Variants in CUX2 observed in about 807,000 individuals in gnomAD.
The protein encoded by CUX2 is homeobox protein cut-like 2.
CUX2 carries 40 observed loss-of-function variants against 144.8 expected under a neutral mutation model. The ratio of observed to expected loss-of-function variants is 0.28; its 90% CI spans 0.21 to 0.36. CUX2 has a LOEUF of 0.36. Ranked by LOEUF, CUX2 falls within the 10% of genes least tolerant of loss-of-function variation. The pLI, the probability that CUX2 is intolerant of heterozygous loss-of-function variation, is 1.00. For missense variants in CUX2, 1,615 were observed against 1,994.0 expected (o/e 0.81, Z 3.62); for synonymous variants, 827 against 875.6 (o/e 0.94, Z 0.98).
At chr12:111,153,567 A>G (rs533487355) in intron 1 of CUX2, among the ~76,000 whole-genome samples, 34 of 152,360 alleles carry the variant, frequency 2.2e-4, no homozygotes, top group African/African-American at 7.9e-4. Context: ...TAGAAAAGGT[A>G]CAATGAAAAT....
chr12:111,278,041 A>G (rs904006330), intron 4 of CUX2, among the ~76,000 whole-genome samples: 1 of 152,142 alleles, frequency 6.6e-6, no homozygotes, highest in African/African-American at 2.4e-5. Flanking sequence ...TCCATCTTCA[A>G]AGCCAGCCGG....
chr12:111,340,207 T>A (rs1406304934), intron 20 of CUX2, among the ~76,000 whole-genome samples: 1 of 151,904 alleles, frequency 6.6e-6, no homozygotes, highest in Admixed American at 6.6e-5. Context: ...TAAAAAAAAA[T>A]GCATTTTCAG....
In CUX2 at chr12:111,343,094, G is replaced by T. The variant is rs532506779; in HGVS notation, c.3659+1041G>T. On this transcript the variant is annotated intron_variant, in intron 21 of 21. Coordinates refer to ENST00000261726, the MANE Select transcript of CUX2 (RefSeq NM_015267.4). ...AAGAAGGGACAGGGAAGGGTATTTGGGGGTACAGGCCTGAGGAACCCTGAC... is the reference window on the plus strand; with the variant it reads ...AAGAAGGGACAGGGAAGGGTATTTGTGGGTACAGGCCTGAGGAACCCTGAC... Among the ~76,000 whole-genome samples the T allele has an allele frequency of 1.1e-4, 17 of 151,908 alleles. 1 individual carries two copies. Among genetic ancestry groups the T allele is most frequent in the Non-Finnish European group, 2.5e-4 (17 of 67,998 alleles).
chr12:111,295,089 T>C lies in CUX2; in HGVS notation c.561-244T>C, dbSNP rs1885902036. On this transcript the variant is annotated intron_variant, in intron 6 of 21. Coordinates refer to ENST00000261726, the MANE Select transcript of CUX2 (RefSeq NM_015267.4). The surrounding 1 kb of genome is among the most constrained non-coding windows in gnomAD (Gnocchi z 5.0). ...GAGGACCAGAGAGGTTGCTTGCTAC[T>C]GTAAATTTTGCCCCTAAAAATCCTG... Among the ~76,000 whole-genome samples the C allele has an allele frequency of 6.6e-6, 1 of 152,198 alleles. No homozygotes were observed. The highest frequency in any genetic ancestry group is 1.5e-5 in the Non-Finnish European group (1 of 68,040).
chr12:111,253,443 ACT>A (rs1883668258), intron 3 of CUX2, among the ~76,000 whole-genome samples: 1 of 150,694 alleles, frequency 6.6e-6, no homozygotes. Context: ...TGTCTGCAAT[ACT>A]CTTTCCCAAA....
At chr12:111,052,849 A>G (rs76643428) in intron 1 of CUX2, among the ~76,000 whole-genome samples, 5,819 of 152,314 alleles carry the variant, frequency 0.038, 142 homozygotes, top group Middle Eastern at 0.065. Context: ...TGACTTCCCC[A>G]AAGCTAAGCA....
At chr12:111,158,323 T>C (rs1223429087) in intron 1 of CUX2, among the ~76,000 whole-genome samples, 1 of 151,912 alleles carries the variant, frequency 6.6e-6, no homozygotes, top group Non-Finnish European at 1.5e-5. Context: ...TTAAGAAGAA[T>C]GAGCTCAAGT....
In CUX2 at chr12:111,341,760, C is replaced by T. The variant is rs372416276; in HGVS notation, c.3386-20C>T. On this transcript the variant is annotated intron_variant, in intron 20 of 21. Transcript: ENST00000261726. ...GATGGGGACACCACCTCTCAGCCCT[C>T]CCTCTCTTCCTGGCCCCAGCCTACC... is the stretch of plus-strand genomic sequence containing the variant. 768 of 1,560,034 alleles carry T rather than the reference C, an allele frequency of 4.9e-4. 2 individuals carry two copies. Among genetic ancestry groups the T allele is most frequent in the Non-Finnish European group, 6.4e-4 (735 of 1,157,266 alleles).
chr12:111,329,552 T>C (rs964274906), intron 18 of CUX2, among the ~76,000 whole-genome samples: 12 of 152,208 alleles, frequency 7.9e-5, no homozygotes, highest in African/African-American at 2.7e-4. Context: ...GCTTCGCTTC[T>C]TGGCCCTCTA....
At chr12:111,313,888 C>CT (rs1340146460) in intron 16 of CUX2, among the ~76,000 whole-genome samples, 3 of 151,848 alleles carry the variant, frequency 2.0e-5, no homozygotes, top group African/African-American at 7.3e-5. Context: ...ACAGCGTAGA[C>CT]TGACTGAGAC....
chr12:111,247,599 CA>C (rs1310302380), intron 3 of CUX2, among the ~76,000 whole-genome samples: 3 of 152,166 alleles, frequency 2.0e-5, no homozygotes, highest in African/African-American at 7.2e-5. Context: ...CAAGCCAGGT[CA>C]GGGGGCAGCA....
At chr12:111,142,291 C>A (rs939695315) in intron 1 of CUX2, among the ~76,000 whole-genome samples, 5 of 152,048 alleles carry the variant, frequency 3.3e-5, no homozygotes, top group African/African-American at 4.8e-5. Flanking sequence ...ATTTTGGTAT[C>A]TCAGAAACCA....
rs969283435 is a variant in CUX2 at position 111,277,862 on chromosome 12, C to T, written c.302-13556C>T. 3.3e-5 allele frequency among the ~76,000 whole-genome samples: 5 copies of T among 152,184 alleles called. No individual in the cohort carries two copies. Among genetic ancestry groups the T allele is most frequent in the South Asian group, 2.1e-4 (1 of 4,828 alleles). ...AAACAACACACGTTTATGATCTCACCGTTCTGCAGAACAGAAGTCCAAGAT... is the reference window on the plus strand; with the variant it reads ...AAACAACACACGTTTATGATCTCACTGTTCTGCAGAACAGAAGTCCAAGAT... On this transcript the variant is annotated intron_variant, in intron 4 of 21. Transcript: ENST00000261726. This position sits in a 1 kb window ranked among gnomAD's most constrained non-coding sequence, Gnocchi z 5.0.
At position 111,333,281 on chromosome 12, in the gene CUX2, G is replaced by T. The variant is rs1012709932; in HGVS notation, c.2927-1160G>T. Among the ~76,000 whole-genome samples the T allele has an allele frequency of 6.6e-5, 10 of 152,254 alleles. No individual in the cohort carries two copies. The South Asian group carries it at 1.9e-3, about 28-fold the overall frequency. On this transcript the variant is annotated intron_variant, in intron 18 of 21. Coordinates refer to ENST00000261726, the MANE Select transcript of CUX2 (RefSeq NM_015267.4). ...CACCTGTGGTCCGAGCTGCTTGGGA[G>T]GCTAAGGTGGAAGGATCACTTGAGC...
chr12:111,186,436 G>C lies in CUX2; in HGVS notation c.64-27764G>C, dbSNP rs186309626. On this transcript the variant is annotated intron_variant, in intron 1 of 21. Transcript: ENST00000261726. This position sits in a 1 kb window ranked among gnomAD's most constrained non-coding sequence, Gnocchi z 4.4. ...TTGCTATGACGTTAAGCTGAGACCC[G>C]AAGCATAAACTAGGCGGGGAACAGG... 3.3e-5 allele frequency among the ~76,000 whole-genome samples: 5 copies of C among 152,318 alleles called. No individual in the cohort carries two copies. Among genetic ancestry groups the C allele is most frequent in the African/African-American group, 1.2e-4 (5 of 41,570 alleles).
At chr12:111,335,884 C>T (rs868669661) in intron 19 of CUX2, among the ~76,000 whole-genome samples, 56 of 150,712 alleles carry the variant, frequency 3.7e-4, no homozygotes, top group African/African-American at 1.2e-3. Flanking sequence ...CCAGCCTGGA[C>T]GACAGAGGAA....
At chr12:111,206,334 A>G (rs1327376812) in intron 1 of CUX2, among the ~76,000 whole-genome samples, 2 of 151,912 alleles carry the variant, frequency 1.3e-5, no homozygotes, top group Non-Finnish European at 2.9e-5. Context: ...CCTGTCTAAG[A>G]AAAAAAAAGT....
rs762429035 is a variant in CUX2 at position 111,312,187 on chromosome 12, A to C, written c.1988A>C (p.Glu663Ala). 1.2e-6 allele frequency: 2 copies of C among 1,608,782 alleles called. No homozygotes were observed. The highest frequency in any genetic ancestry group is 1.7e-6 in the Non-Finnish European group (2 of 1,176,650). Residue 663 changes from glutamate (E) to alanine (A), a missense_variant, in exon 16 of 22, where the codon GAG becomes GCG. By Grantham distance (107) the Glu-to-Ala change is moderately radical. Transcript: ENST00000261726. This position sits in a 1 kb window ranked among gnomAD's most constrained non-coding sequence, Gnocchi z 4.3. ...SILEQAKKEI[E>A]SQKGGEPKTS... ...CTAGAGCAGGCCAAGAAGGAGATCG[A>C]GTCGCAGAAGGGCGGTGAGTGTGAC...
chr12:111,192,117 T>C (rs1390485067), intron 1 of CUX2, among the ~76,000 whole-genome samples: 1 of 151,896 alleles, frequency 6.6e-6, no homozygotes, highest in African/African-American at 2.4e-5. Flanking sequence ...GGATTATTAT[T>C]ATTTGTTTAT....
Sources: gnomAD v4.1 joint callset for allele counts (sites outside exome capture counted in the v4.1 genomes callset) on GRCh38, gnomAD v4.1.1 for gene constraint, Gnocchi (gnomAD v3.1) non-coding constraint, MANE v1.5 for transcripts, NCBI Gene and HGNC (gene_info 2026-07-23, HGNC 2026-07-21) for gene names.